Variants in PTPRD observed in about 807,000 individuals in gnomAD.
The protein encoded by PTPRD is receptor-type tyrosine-protein phosphatase delta.
A neutral mutation model predicts 214.5 loss-of-function variants in PTPRD; 34 were observed. The observed-to-expected ratio is 0.16, with a 90% CI of 0.12 to 0.21. PTPRD has a LOEUF of 0.21. Among genes scored for constraint, PTPRD ranks in the 10% least tolerant of loss-of-function variants. The pLI is 1.00. For missense variants in PTPRD, 2,545 were observed against 2,398.7 expected (o/e 1.06, Z -1.27); for synonymous variants, 1,128 against 845.7 (o/e 1.33, Z -5.79).
At chr9:10,191,122 G>A (rs916130673) in intron 3 of PTPRD, among the ~76,000 whole-genome samples, 1 of 151,992 alleles carries the variant, frequency 6.6e-6, no homozygotes, top group Non-Finnish European at 1.5e-5. Flanking sequence ...ACATCAGGCT[G>A]AAAATTTATG....
At chr9:8,513,940 G>C (rs941063506) in intron 21 of PTPRD, among the ~76,000 whole-genome samples, 1 of 151,984 alleles carries the variant, frequency 6.6e-6, no homozygotes, top group Non-Finnish European at 1.5e-5. Context: ...AAACTATTAT[G>C]GAAGATTCTT....
At chr9:9,567,276 G>C (rs1474314244) in intron 8 of PTPRD, among the ~76,000 whole-genome samples, 3 of 151,772 alleles carry the variant, frequency 2.0e-5, no homozygotes, top group African/African-American at 7.3e-5. Flanking sequence ...TGCTAGGGGT[G>C]GGATTGTTGT....
At chr9:9,016,392 C>A (rs2099535354) in intron 11 of PTPRD, among the ~76,000 whole-genome samples, 1 of 152,110 alleles carries the variant, frequency 6.6e-6, no homozygotes, top group South Asian at 2.1e-4. Context: ...TGTGTTACCT[C>A]AGTTATATTA....
intron 10 of PTPRD, among the ~76,000 whole-genome samples, chr9:9,123,603 T>C (rs768553601): frequency 1.3e-5 from 2 of 152,092 alleles, no homozygotes; most frequent in Non-Finnish European, 2.9e-5. Context: ...AACCAGCCCA[T>C]AGACTGATAA....
intron 2 of PTPRD, among the ~76,000 whole-genome samples, chr9:10,563,075 T>C (rs1423323090): frequency 6.6e-6 from 1 of 152,178 alleles, no homozygotes. Flanking sequence ...CCTTCAAATA[T>C]TCCCTAGGGC....
intron 7 of PTPRD, among the ~76,000 whole-genome samples, chr9:9,629,015 T>C (rs1469778530): frequency 6.6e-6 from 1 of 150,402 alleles, no homozygotes; most frequent in African/African-American, 2.4e-5. Flanking sequence ...CTACCAAAAA[T>C]ACAAAAAAAT....
rs536308791 is a variant in PTPRD at position 9,642,675 on chromosome 9, C to T, written c.-286-67894G>A. 2.6e-5 allele frequency among the ~76,000 whole-genome samples: 4 copies of T among 152,256 alleles called. No individual in the cohort carries two copies. The East Asian group carries it at 7.7e-4, about 29-fold the overall frequency. On this transcript the variant is annotated intron_variant, in intron 7 of 45. Transcript: ENST00000381196. ...CAGAAACAATAGGTTAGTACTGCTA[C>T]TCAGATATGTGTTGGTTCTAAAGAA... is the stretch of plus-strand genomic sequence containing the variant.
intron 8 of PTPRD, among the ~76,000 whole-genome samples, chr9:9,496,996 A>C (rs921350710): frequency 1.3e-5 from 2 of 152,220 alleles, no homozygotes; most frequent in Non-Finnish European, 2.9e-5. Context: ...CAGTCATAAA[A>C]AAAGACAAAT....
chr9:8,356,135 A>C (rs1287550445), intron 39 of PTPRD, among the ~76,000 whole-genome samples: 2 of 152,200 alleles, frequency 1.3e-5, no homozygotes, highest in Admixed American at 6.5e-5. Context: ...CAAATACTTT[A>C]CTATCTCCAG....
In PTPRD at chr9:10,485,616, GT is replaced by G. The variant is rs1468631331; in HGVS notation, c.-600+126781del. On this transcript the variant is annotated intron_variant, in intron 2 of 45. Transcript: ENST00000381196. ...AATTCCTAGGTATTTAATTTTATTT[GT>G]GGTTATTGTCAATGAAATTTTTAAC... 2.6e-5 allele frequency among the ~76,000 whole-genome samples: 4 copies of G among 151,902 alleles called. No individual in the cohort carries two copies. The East Asian group carries it at 7.7e-4, about 29-fold the overall frequency.
In PTPRD at chr9:8,635,657, T is replaced by C. The variant is rs565924800; in HGVS notation, c.210+1042A>G. On this transcript the variant is annotated intron_variant, in intron 13 of 45. Coordinates refer to ENST00000381196, the MANE Select transcript of PTPRD (RefSeq NM_002839.4). Reference sequence around the variant, plus strand: ...TGAATTTGTAGTTGCTATATTTCTTTTAACTAGAAATTGCCTTTAATCTGC... The same window carrying C: ...TGAATTTGTAGTTGCTATATTTCTTCTAACTAGAAATTGCCTTTAATCTGC... 5.3e-5 allele frequency among the ~76,000 whole-genome samples: 8 copies of C among 152,256 alleles called. No individual in the cohort carries two copies. In the East Asian group the frequency reaches 1.5e-3, roughly 29 times the overall value.
intron 44 of PTPRD, among the ~76,000 whole-genome samples, chr9:8,324,663 G>C (rs1212876328): frequency 3.3e-5 from 5 of 152,230 alleles, no homozygotes; most frequent in South Asian, 2.1e-4. Context: ...CTAGATCCTT[G>C]AGGAATCACC....
chr9:9,496,138 A>G (rs963917036), intron 8 of PTPRD, among the ~76,000 whole-genome samples: 6 of 152,192 alleles, frequency 3.9e-5, no homozygotes, highest in Non-Finnish European at 7.3e-5. Flanking sequence ...AATGTGTCAC[A>G]ACTTTTGATT....
chr9:10,497,976 T>C (rs769780151), intron 2 of PTPRD, among the ~76,000 whole-genome samples: 1 of 151,996 alleles, frequency 6.6e-6, no homozygotes. Context: ...TATTATTAGC[T>C]TCACATTAAA....
At chr9:8,709,884 G>T (rs1042231212) in intron 12 of PTPRD, among the ~76,000 whole-genome samples, 3 of 152,120 alleles carry the variant, frequency 2.0e-5, no homozygotes, top group Non-Finnish European at 4.4e-5. Context: ...GGCAAATGAA[G>T]ATAATAGAGA....
chr9:10,099,184 C>T (rs1006434204), intron 3 of PTPRD, among the ~76,000 whole-genome samples: 9 of 151,660 alleles, frequency 5.9e-5, no homozygotes, highest in African/African-American at 2.2e-4. Context: ...CATAAGTGTA[C>T]TTATTAAGAG....
At chr9:9,177,025 T>C (rs757755592) in intron 10 of PTPRD, among the ~76,000 whole-genome samples, 3 of 152,144 alleles carry the variant, frequency 2.0e-5, no homozygotes, top group Non-Finnish European at 4.4e-5. Context: ...TTAATTCATT[T>C]TCATACTGCT....
chr9:9,936,520 A>G (rs891462924), intron 5 of PTPRD, among the ~76,000 whole-genome samples: 21 of 147,696 alleles, frequency 1.4e-4, no homozygotes, highest in Middle Eastern at 3.2e-3. Flanking sequence ...CAAAACCACA[A>G]TGAGATACAA....
At chr9:9,479,639 A>G (rs979505099) in intron 8 of PTPRD, among the ~76,000 whole-genome samples, 26 of 152,140 alleles carry the variant, frequency 1.7e-4, no homozygotes, top group Admixed American at 6.6e-5. Flanking sequence ...ATTCTTCCAA[A>G]TAACAGAAAT....
Sources: gnomAD v4.1 joint callset for allele counts (sites outside exome capture counted in the v4.1 genomes callset) on GRCh38, gnomAD v4.1.1 for gene constraint, MANE v1.5 for transcripts, NCBI Gene and HGNC (gene_info 2026-07-23, HGNC 2026-07-21) for gene names.